SCHIP1: variants seen among roughly 807,000 people sequenced by gnomAD.
The protein encoded by SCHIP1 is schwannomin interacting protein 1.
SCHIP1 carries 8 observed loss-of-function variants against 29.7 expected under a neutral mutation model. The ratio of observed to expected loss-of-function variants is 0.27; its 90% CI spans 0.16 to 0.49. SCHIP1 has a LOEUF of 0.49. SCHIP1 is among the 20% of genes least tolerant of loss of function. The probability of loss-of-function intolerance (pLI) is 0.99; values close to 1 mark genes in which losing one functional copy is unlikely to be tolerated. For synonymous variants in SCHIP1, 76 were observed against 94.9 expected, an observed-to-expected ratio of 0.80 and a Z score of 1.16; for missense variants, 193 against 294.6, an observed-to-expected ratio of 0.66 and a Z score of 2.52.
At chr3:159,514,756 T>TG in the SCHIP1 span, among the ~76,000 whole-genome samples, 1 of 152,240 alleles carries the variant, frequency 6.6e-6, no homozygotes, top group Non-Finnish European at 1.5e-5. Context: ...ATCAATATGT[T>TG]GGGCCTCTCC....
At chr3:159,275,488 T>A in the SCHIP1 span, among the ~76,000 whole-genome samples, 1 of 152,178 alleles carries the variant, frequency 6.6e-6, no homozygotes, top group Non-Finnish European at 1.5e-5. Context: ...TGGTGTCAGA[T>A]TTTATTCTGA....
chr3:159,531,261 GC>G, the SCHIP1 span, among the ~76,000 whole-genome samples: 1 of 152,156 alleles, frequency 6.6e-6, no homozygotes, highest in Non-Finnish European at 1.5e-5. Context: ...ACTCACTGCA[GC>G]CATTCAAATG....
the SCHIP1 span, among the ~76,000 whole-genome samples, chr3:159,327,876 G>A: frequency 2.7e-3 from 408 of 152,296 alleles, 2 homozygotes; most frequent in African/African-American, 9.3e-3. Context: ...GCCAGGCCTG[G>A]AGGGTATATG....
At chr3:159,273,850 G>A in the SCHIP1 span, 12 of 1,613,536 alleles carry the variant, frequency 7.4e-6, no homozygotes, top group East Asian at 2.2e-5. Flanking sequence ...GTGTTACAAC[G>A]TGGGACTGTG....
At chr3:159,443,406 G>A in the SCHIP1 span, among the ~76,000 whole-genome samples, 2 of 152,132 alleles carry the variant, frequency 1.3e-5, no homozygotes, top group South Asian at 4.2e-4. Flanking sequence ...ATTCAGTGGA[G>A]CCAATCACTT....
the SCHIP1 span, among the ~76,000 whole-genome samples, chr3:159,292,687 C>T: frequency 5.9e-5 from 9 of 152,106 alleles, no homozygotes; most frequent in African/African-American, 1.2e-4. Flanking sequence ...CTGGAATGTG[C>T]GTGCTAGTTA....
the SCHIP1 span, among the ~76,000 whole-genome samples, chr3:159,742,622 C>T: frequency 6.6e-6 from 1 of 151,934 alleles, no homozygotes; most frequent in Non-Finnish European, 1.5e-5. Context: ...GGGTTAATGG[C>T]AATAATAAAC....
the SCHIP1 span, among the ~76,000 whole-genome samples, chr3:159,675,683 G>C: frequency 6.6e-6 from 1 of 152,186 alleles, no homozygotes; most frequent in East Asian, 1.9e-4. Flanking sequence ...TATTAGGCCA[G>C]TTTTACTTTC....
the SCHIP1 span, among the ~76,000 whole-genome samples, chr3:159,449,239 T>C: frequency 6.6e-6 from 1 of 152,106 alleles, no homozygotes; most frequent in Non-Finnish European, 1.5e-5. Context: ...ACTCCATTTG[T>C]AAAATGGTGT....
the SCHIP1 span, among the ~76,000 whole-genome samples, chr3:159,442,474 TA>T: frequency 2.0e-5 from 3 of 152,100 alleles, no homozygotes; most frequent in African/African-American, 2.4e-5. Flanking sequence ...TTCCAGGCCT[TA>T]GGGAATAAGG....
chr3:159,896,683 C>T (rs757909998), intron 6 of SCHIP1, 40 bp from the exon 8 acceptor site: 2 of 1,567,470 alleles, frequency 1.3e-6, no homozygotes, highest in South Asian at 1.2e-5. Context: ...GTTTGGATCT[C>T]TCTACATGAT....
the SCHIP1 span, among the ~76,000 whole-genome samples, chr3:159,283,287 G>A: frequency 6.6e-6 from 1 of 152,108 alleles, no homozygotes; most frequent in East Asian, 1.9e-4. Context: ...CGAGTAGCTG[G>A]GATTACAGGC....
At chr3:159,694,231 A>ACTAACCCTAACCCTAACC in the SCHIP1 span, among the ~76,000 whole-genome samples, 10 of 150,402 alleles carry the variant, frequency 6.6e-5, no homozygotes, top group African/African-American at 2.5e-4. Context: ...CATGCCTAAC[A>ACTAACCCTAACCCTAACC]CTAACCCTAA....
At chr3:159,697,583 ATATT>A in the SCHIP1 span, among the ~76,000 whole-genome samples, 1 of 152,198 alleles carries the variant, frequency 6.6e-6, no homozygotes, top group South Asian at 2.1e-4. Flanking sequence ...AATTTAATGA[ATATT>A]AATTAATTAA....
the SCHIP1 span, among the ~76,000 whole-genome samples, chr3:159,799,829 A>G: frequency 1.3e-5 from 2 of 152,248 alleles, no homozygotes; most frequent in South Asian, 2.1e-4. Context: ...TATCCTAAGA[A>G]TAGTGAGAAA....
the SCHIP1 span, chr3:159,764,522 A>G: frequency 5.7e-6 from 9 of 1,586,852 alleles, no homozygotes; most frequent in Middle Eastern, 1.7e-4. The surrounding 1 kb of genome is among the most constrained non-coding windows in gnomAD (Gnocchi z 6.1). Flanking sequence ...TCACAGTCCA[A>G]CTCCACCAAA....
At chr3:159,430,495 C>T in the SCHIP1 span, among the ~76,000 whole-genome samples, 2 of 151,972 alleles carry the variant, frequency 1.3e-5, no homozygotes, top group Non-Finnish European at 2.9e-5. Flanking sequence ...CTCTGGTTTC[C>T]CAGAACTTTT....
chr3:159,351,872 G>A, the SCHIP1 span, among the ~76,000 whole-genome samples: 1 of 152,098 alleles, frequency 6.6e-6, no homozygotes, highest in Non-Finnish European at 1.5e-5. Flanking sequence ...AGCTTGTCTA[G>A]GGCAGAGTAA....
rs140042266 is a variant in SCHIP1 at position 159,852,030 on chromosome 3, T to C, written c.30+11816T>C. Among the ~76,000 whole-genome samples, 7 of 152,370 alleles carry C rather than the reference T, an allele frequency of 4.6e-5. No individual in the cohort carries two copies. In the East Asian group the frequency reaches 1.3e-3, roughly 29 times the overall value. ...GCTACAGAGGGAAGTATTTGCTTTA[T>C]AGAAGTAGGGCTATTATAAACTACT... On this transcript the variant is annotated intron_variant, in intron 1 of 6. Transcript: ENST00000445224.
Sources: allele counts gnomAD v4.1 joint callset (sites outside exome capture counted in the v4.1 genomes callset), GRCh38; gene constraint gnomAD v4.1.1; non-coding constraint Gnocchi (gnomAD v3.1); transcripts MANE v1.5; gene names NCBI Gene and HGNC (gene_info 2026-07-23, HGNC 2026-07-21).